BRD1: variants seen among roughly 807,000 people sequenced by gnomAD.
BRD1 encodes bromodomain-containing protein 1.
A neutral mutation model predicts 107.7 loss-of-function variants in BRD1; 24 were observed. The observed-to-expected ratio is 0.22, with a 90% confidence interval of 0.16 to 0.31. The LOEUF (loss-of-function observed/expected upper bound fraction) is 0.31. BRD1 is among the 10% of genes least tolerant of loss of function. The pLI is 1.00. For synonymous variants in BRD1, 744 were observed against 686.1 expected, an observed-to-expected ratio of 1.08 and a Z score of -1.32; for missense variants, 1,279 against 1,638.6, an observed-to-expected ratio of 0.78 and a Z score of 3.79.
In BRD1 at chr22:49,824,522, G is replaced by A. The variant is rs2060125382; in HGVS notation, c.-14-191C>T. 5.0e-6 allele frequency: 7 copies of A among 1,410,100 alleles called. No homozygotes were observed. The highest frequency in any genetic ancestry group is 6.4e-6 in the Non-Finnish European group (7 of 1,085,662). 87.3% of individuals were successfully genotyped at this position (1,410,100 alleles called of 1,614,324 possible). On this transcript the variant is annotated intron_variant, in intron 1 of 12. Coordinates refer to ENST00000404760, the MANE Select transcript of BRD1 (RefSeq NM_001304808.3). This position sits in a 1 kb window ranked among gnomAD's most constrained non-coding sequence, Gnocchi z 5.9. ...CTGAGCGAGTCCCCAGGACCAGGGA[G>A]GGAGCAGCAGTAACAGGCAGAGAGG...
chr22:49,826,020 G>T, intron 1 of BRD1: 1 of 258,032 alleles, frequency 3.9e-6, no homozygotes, highest in Non-Finnish European at 6.1e-6. Flanking sequence ...TGTCAGCACA[G>T]CCACCCCCCA....
At position 49,824,439 on chromosome 22, in the gene BRD1, T is replaced by A. The variant is rs1261233876; in HGVS notation, c.-14-108A>T. On this transcript the variant is annotated intron_variant, in intron 1 of 12. Transcript: ENST00000404760. This position sits in a 1 kb window ranked among gnomAD's most constrained non-coding sequence, Gnocchi z 5.9. ...TCTAGCTCAGCAGCTCAAAGCCCAATCAAAGCAAAACTCACAGCTAACCTC... is the reference window on the plus strand; with the variant it reads ...TCTAGCTCAGCAGCTCAAAGCCCAAACAAAGCAAAACTCACAGCTAACCTC... 1.4e-5 allele frequency: 21 copies of A among 1,482,094 alleles called. No homozygotes were observed. Among genetic ancestry groups the A allele is most frequent in the Non-Finnish European group, 1.8e-5 (20 of 1,124,058 alleles). 91.8% of individuals were successfully genotyped at this position (1,482,094 alleles called of 1,614,324 possible).
intron 2 of BRD1, among the ~76,000 whole-genome samples, chr22:49,805,284 T>C (rs1048230009): frequency 1.3e-5 from 2 of 152,090 alleles, no homozygotes; most frequent in African/African-American, 4.8e-5. Flanking sequence ...CGGCAGAACC[T>C]GGCTCAAGCG....
intron 7 of BRD1, among the ~76,000 whole-genome samples, chr22:49,788,113 G>T: frequency 6.6e-6 from 1 of 152,184 alleles, no homozygotes; most frequent in East Asian, 1.9e-4. Context: ...CAGGCACACA[G>T]TTACTCTCTG....
At chr22:49,779,685 C>T (rs1327114335) in intron 8 of BRD1, among the ~76,000 whole-genome samples, 1 of 152,282 alleles carries the variant, frequency 6.6e-6, no homozygotes, top group East Asian at 1.9e-4. Context: ...ACAGAGTGGG[C>T]TCAGACCCTG....
Position 49,777,109 on chromosome 22 carries a change from T to C in BRD1, c.3046A>G (p.Thr1016Ala). The C allele has an allele frequency of 6.2e-7, 1 of 1,613,364 alleles. No homozygotes were observed. The highest frequency in any genetic ancestry group is 8.5e-7 in the Non-Finnish European group (1 of 1,179,986). Residue 1016 changes from threonine to alanine, a missense_variant, in exon 10 of 13, where the codon ACG becomes GCG. Around this residue, in one of 7 missense-constraint regions of BRD1, gnomAD observed 263 missense variants for 251.6 expected, o/e 1.05. Transcript: ENST00000404760. The part of the protein sequence containing the change: ...RGKPALVRRH[T>A]LEDRSELISC... ...ATCAGCTCACTGCGGTCCTCCAGCGTGTGCCGTCGCACAAGAGCCGGTTTG... is the reference window on the plus strand; with the variant it reads ...ATCAGCTCACTGCGGTCCTCCAGCGCGTGCCGTCGCACAAGAGCCGGTTTG...
At chr22:49,802,698 G>A (rs544573526) in intron 3 of BRD1, among the ~76,000 whole-genome samples, 46 of 151,958 alleles carry the variant, frequency 3.0e-4, no homozygotes, top group African/African-American at 9.7e-4. Flanking sequence ...ACATCGCGGG[G>A]GCCGAGACCA....
chr22:49,816,675 G>A (rs1355359148), intron 2 of BRD1, among the ~76,000 whole-genome samples: 1 of 152,220 alleles, frequency 6.6e-6, no homozygotes, highest in Non-Finnish European at 1.5e-5. Flanking sequence ...TAGGCAGGAG[G>A]ATTGCTTAAG....
At chr22:49,806,715 G>A (rs1299963724) in intron 2 of BRD1, 1 of 152,218 alleles carries the variant, frequency 6.6e-6, no homozygotes, top group Admixed American at 6.5e-5. Context: ...CCCACACTAG[G>A]AGCCGGGCGC....
Position 49,787,674 on chromosome 22 carries a change from C to T in BRD1, c.2573G>A (p.Ser858Asn). The T allele has an allele frequency of 6.4e-7, 1 of 1,550,664 alleles. No individual in the cohort carries two copies. The highest frequency in any genetic ancestry group is 8.7e-7 in the Non-Finnish European group (1 of 1,146,980). ...CGCCGCCGCCGGCACATCGCCACTA[C>T]TGGCGCGGGTGGGCTCTGGAGGGCG... Reference protein sequence around the residue: ...SGRPPEPTRASSGDVPAAAAS... With the variant: ...SGRPPEPTRANSGDVPAAAAS... Residue 858 changes from serine to asparagine, a missense_variant, in exon 8 of 13, where the codon AGT (serine) becomes AAT (asparagine). By Grantham distance (46) the Ser-to-Asn change is conservative. Around this residue, in one of 7 missense-constraint regions of BRD1, gnomAD observed 406 missense variants for 519.4 expected, o/e 0.78. Transcript: ENST00000404760.
chr22:49,802,829 G>A (rs1569118042), intron 3 of BRD1, among the ~76,000 whole-genome samples: 1 of 152,262 alleles, frequency 6.6e-6, no homozygotes, highest in Non-Finnish European at 1.5e-5. Context: ...GAGGACAGAG[G>A]AGAGATGGAA....
chr22:49,809,073 C>A (rs1393848641), intron 2 of BRD1, among the ~76,000 whole-genome samples: 1 of 151,180 alleles, frequency 6.6e-6, no homozygotes, highest in Non-Finnish European at 1.5e-5. Flanking sequence ...GAGCCGAGAT[C>A]ACACCACTGC....
chr22:49,801,843 C>T (rs1401735195), intron 3 of BRD1, among the ~76,000 whole-genome samples: 2 of 152,248 alleles, frequency 1.3e-5, no homozygotes, highest in African/African-American at 4.8e-5. Flanking sequence ...CCACCACGCC[C>T]CAGGCCACCC....
chr22:49,800,247 G>A (rs1700800486), intron 3 of BRD1, among the ~76,000 whole-genome samples: 1 of 152,164 alleles, frequency 6.6e-6, no homozygotes, highest in African/African-American at 2.4e-5. Context: ...AAGGAGGGAG[G>A]CCGAGCCCCG....
In BRD1 at chr22:49,774,040, G is replaced by A. The variant is rs992815182; in HGVS notation, c.*193C>T. On this transcript the variant is annotated 3_prime_UTR_variant, in exon 13 of 13. Transcript: ENST00000404760. ...GACAGACGCACTGGGCTGCCCGGAC[G>A]TGCCCACCCCACTCACAGCGCCCAG... The A allele has an allele frequency of 4.8e-5, 32 of 666,640 alleles. No homozygotes were observed. The highest frequency in any genetic ancestry group is 4.3e-4 in the Middle Eastern group (1 of 2,340). The allele number at this position is 666,640 out of a possible 1,614,324, so 41.3% of individuals were successfully genotyped here.
rs375499731 is a variant in BRD1, at chr22:49,826,235, C to G, written c.-15+1262G>C. The G allele has an allele frequency of 1.5e-5, 15 of 985,466 alleles. No individual in the cohort carries two copies. The South Asian group carries it at 7.0e-4, about 46-fold the overall frequency. 61.0% of individuals were successfully genotyped at this position (985,466 alleles called of 1,614,324 possible). ...GACAAGCAGCCCCTGGAAACCCACT[C>G]TCTCCCAGGGAGCCGTGAAGCTCTT... is the stretch of plus-strand genomic sequence containing the variant. On this transcript the variant is annotated intron_variant, in intron 1 of 12. Coordinates refer to ENST00000404760, the MANE Select transcript of BRD1 (RefSeq NM_001304808.3).
intron 8 of BRD1, among the ~76,000 whole-genome samples, chr22:49,785,728 C>T (rs1338094831): frequency 6.6e-6 from 1 of 152,240 alleles, no homozygotes; most frequent in African/African-American, 2.4e-5. Flanking sequence ...AGTAAAAGGA[C>T]ATGGGTAGAA....
chr22:49,798,459 A>G, intron 5 of BRD1, 99 bp downstream of exon 5: 4 of 1,547,432 alleles, frequency 2.6e-6, no homozygotes, highest in Middle Eastern at 1.7e-4. Flanking sequence ...TAAGAACACA[A>G]GGGATGTACT....
chr22:49,797,980 G>A lies in BRD1; in HGVS notation c.1923C>T (p.Tyr641=). ...FDLIIDNCMK[Y]NARDTVFYRA... ...TATAGAACACGGTGTCCCTGGCATT[G>A]TACTTCATGCAGTTATCTATAATGA... is the stretch of plus-strand genomic sequence containing the variant. Residue 641 remains tyrosine (Y), a synonymous_variant, in exon 6 of 13, where the codon TAC becomes TAT. Transcript: ENST00000404760. 1.9e-6 allele frequency: 3 copies of A among 1,614,246 alleles called. No homozygotes were observed. Among genetic ancestry groups the A allele is most frequent in the South Asian group, 1.1e-5 (1 of 91,092 alleles).
Sources: allele counts gnomAD v4.1 joint callset (sites outside exome capture counted in the v4.1 genomes callset), GRCh38; gene constraint gnomAD v4.1.1; regional missense constraint gnomAD v4.1.1; non-coding constraint Gnocchi (gnomAD v3.1); transcripts MANE v1.5; gene names NCBI Gene and HGNC (gene_info 2026-07-23, HGNC 2026-07-21).